MAPK10: variants seen among roughly 807,000 people sequenced by gnomAD.
MAPK10 encodes the protein JNK3 alpha protein kinase.
A neutral mutation model predicts 59.3 loss-of-function variants in MAPK10; 25 were observed. The observed-to-expected ratio is 0.42, with a 90% CI of 0.31 to 0.59. The LOEUF (loss-of-function observed/expected upper bound fraction) is 0.59. Among genes scored for constraint, MAPK10 ranks in the 20% least tolerant of loss-of-function variants. The probability of loss-of-function intolerance (pLI) is 0.15; values close to 1 mark genes in which losing one functional copy is unlikely to be tolerated. For missense variants in MAPK10, 351 were observed against 568.9 expected (o/e 0.62, Z 3.90); for synonymous variants, 190 against 200.5 (o/e 0.95, Z 0.44).
intron 2 of MAPK10, among the ~76,000 whole-genome samples, chr4:86,198,913 T>A (rs1281138358): frequency 6.6e-6 from 1 of 151,668 alleles, no homozygotes; most frequent in Non-Finnish European, 1.5e-5. Context: ...ACCCAAAAAA[T>A]TGAAGAATTT....
chr4:86,023,436 AT>A (rs1327866107), intron 13 of MAPK10, among the ~76,000 whole-genome samples: 1 of 152,136 alleles, frequency 6.6e-6, no homozygotes, highest in African/African-American at 2.4e-5. Flanking sequence ...TTCCACACAA[AT>A]TTTAAGATGG....
intron 5 of MAPK10, among the ~76,000 whole-genome samples, chr4:86,104,476 A>G (rs1359515941): frequency 6.6e-6 from 1 of 152,136 alleles, no homozygotes; most frequent in African/African-American, 2.4e-5. Flanking sequence ...AAAAATGACT[A>G]TGAAGTACAC....
intron 1 of MAPK10, among the ~76,000 whole-genome samples, chr4:86,435,988 A>C (rs1443776176): frequency 6.6e-6 from 1 of 152,174 alleles, no homozygotes. Flanking sequence ...ACATTTGCCC[A>C]AAAAAAGGTA....
chr4:86,163,844 T>C (rs1335189521), intron 3 of MAPK10, among the ~76,000 whole-genome samples: 1 of 152,112 alleles, frequency 6.6e-6, no homozygotes, highest in Non-Finnish European at 1.5e-5. Flanking sequence ...AATAATGTCA[T>C]AAAAGACTCT....
intron 1 of MAPK10, among the ~76,000 whole-genome samples, chr4:86,574,067 C>T (rs1488910572): frequency 6.6e-6 from 1 of 152,106 alleles, no homozygotes; most frequent in Non-Finnish European, 1.5e-5. Flanking sequence ...CCCTCCACCC[C>T]ACAACAGTCC....
At chr4:86,234,940 A>G (rs1007121411) in intron 2 of MAPK10, among the ~76,000 whole-genome samples, 1 of 152,196 alleles carries the variant, frequency 6.6e-6, no homozygotes, top group Non-Finnish European at 1.5e-5. Flanking sequence ...TACATGCAGT[A>G]ACGGATTAGG....
At chr4:86,579,226 CCA>C (rs1174045604) in intron 1 of MAPK10, among the ~76,000 whole-genome samples, 1 of 152,158 alleles carries the variant, frequency 6.6e-6, no homozygotes, top group African/African-American at 2.4e-5. Context: ...AAAACAGAAG[CCA>C]TCTACAAGAA....
chr4:86,264,276 C>A (rs1292506984), intron 2 of MAPK10, among the ~76,000 whole-genome samples: 38 of 152,174 alleles, frequency 2.5e-4, no homozygotes, highest in Non-Finnish European at 4.4e-5. Flanking sequence ...TGTAAAGTTG[C>A]CAAGATATCT....
chr4:86,472,575 T>C (rs1752746556), intron 1 of MAPK10, among the ~76,000 whole-genome samples: 1 of 152,008 alleles, frequency 6.6e-6, no homozygotes, highest in Admixed American at 6.6e-5. Flanking sequence ...GCCAGGCAGG[T>C]TGAGCCTGCA....
intron 11 of MAPK10, among the ~76,000 whole-genome samples, chr4:86,034,871 G>A (rs2039864501): frequency 6.6e-6 from 1 of 152,100 alleles, no homozygotes; most frequent in African/African-American, 2.4e-5. Flanking sequence ...TATAAGCCAA[G>A]TTACAGTATG....
chr4:86,581,947 A>C (rs1284121706), intron 1 of MAPK10, among the ~76,000 whole-genome samples: 1 of 108,874 alleles, frequency 9.2e-6, no homozygotes, highest in Non-Finnish European at 1.8e-5. Context: ...ATATATATAT[A>C]TTCTAATACT....
At chr4:86,547,401 C>G (rs529507794) in intron 1 of MAPK10, among the ~76,000 whole-genome samples, 4 of 152,324 alleles carry the variant, frequency 2.6e-5, no homozygotes, top group Admixed American at 2.6e-4. Context: ...AGCAGTCGGC[C>G]GGCCCCACCG....
At chr4:86,524,845 CAAAA>C (rs35177743) in intron 1 of MAPK10, among the ~76,000 whole-genome samples, 1 of 99,170 alleles carries the variant, frequency 1.0e-5, no homozygotes. Context: ...TAGGTTGGTG[CAAAA>C]AAAAAAAAAA....
rs554691698 is a variant in MAPK10, at chr4:86,280,677, G to A, written c.-7+73853C>T. ...TTGCAGTAATATTCACAATAGCAAA[G>A]ACATAGAATCAACCTAGGTGCCCAT... On this transcript the variant is annotated intron_variant, in intron 2 of 13. Transcript: ENST00000641462. 1.4e-4 allele frequency among the ~76,000 whole-genome samples: 21 copies of A among 152,092 alleles called. No individual in the cohort carries two copies. The South Asian group carries it at 3.1e-3, about 23-fold the overall frequency.
At chr4:86,417,880 G>GA (rs1322603436) in intron 1 of MAPK10, among the ~76,000 whole-genome samples, 1 of 152,124 alleles carries the variant, frequency 6.6e-6, no homozygotes, top group Non-Finnish European at 1.5e-5. Flanking sequence ...GAGAATTTTA[G>GA]AAAAAATACA....
intron 1 of MAPK10, among the ~76,000 whole-genome samples, chr4:86,512,885 T>G (rs1254967964): frequency 6.6e-6 from 1 of 152,174 alleles, no homozygotes; most frequent in African/African-American, 2.4e-5. Flanking sequence ...GAAGTTAATG[T>G]CTTCATTCCT....
At chr4:86,528,215 G>A (rs897328059) in intron 1 of MAPK10, among the ~76,000 whole-genome samples, 1 of 152,000 alleles carries the variant, frequency 6.6e-6, no homozygotes, top group African/African-American at 2.4e-5. Context: ...GAAAAGAAAT[G>A]TAACCATAGA....
At chr4:86,202,104 T>C (rs2082747969) in intron 2 of MAPK10, among the ~76,000 whole-genome samples, 1 of 151,980 alleles carries the variant, frequency 6.6e-6, no homozygotes, top group African/African-American at 2.4e-5. Flanking sequence ...CAAAGGGGTA[T>C]AGTTCTTATA....
intron 1 of MAPK10, among the ~76,000 whole-genome samples, chr4:86,475,718 C>A (rs1346477475): frequency 6.6e-6 from 1 of 151,978 alleles, no homozygotes; most frequent in Admixed American, 6.6e-5. Flanking sequence ...ACCTCCCAAC[C>A]CCTTCTTCAC....
Sources: allele counts gnomAD v4.1 joint callset (sites outside exome capture counted in the v4.1 genomes callset), GRCh38; gene constraint gnomAD v4.1.1; transcripts MANE v1.5; gene names NCBI Gene and HGNC (gene_info 2026-07-23, HGNC 2026-07-21).